Variants in TBC1D14 observed in about 807,000 individuals in gnomAD.
TBC1D14 encodes the protein TBC1 domain family member 14, also known as TBC1 domain family, member 14.
Under a neutral mutation model 79.0 loss-of-function variants are expected in TBC1D14, and 26 were observed. The observed-to-expected ratio is 0.33, with a 90% CI of 0.24 to 0.46. The LOEUF is 0.46. Ranked by LOEUF, TBC1D14 falls within the 20% of genes least tolerant of loss-of-function variation. The pLI is 1.00. For synonymous variants in TBC1D14, 394 were observed against 349.9 expected (o/e 1.13, Z -1.40); for missense variants, 769 against 887.6 (o/e 0.87, Z 1.70).
chr4:7,001,425 T>G, intron 7 of TBC1D14, 174 bp downstream of exon 7: 1 of 595,786 alleles, frequency 1.7e-6, no homozygotes, highest in Non-Finnish European at 3.0e-6. Flanking sequence ...GGTTTAGTGC[T>G]GTGCACTCCG....
In TBC1D14 at chr4:7,025,104, C is replaced by G. The variant is rs370726932; in HGVS notation, c.1858C>G (p.Leu620Val). The G allele has an allele frequency of 7.2e-5, 116 of 1,614,092 alleles. No individual in the cohort carries two copies. The highest frequency in any genetic ancestry group is 9.3e-5 in the Non-Finnish European group (110 of 1,180,036). The change falls in exon 13 of 14, where the codon CTG becomes GTG. Residue 620 changes from leucine (L) to valine (V), a missense_variant. By Grantham distance (32) the Leu-to-Val change is conservative. Coordinates refer to ENST00000409757, the MANE Select transcript of TBC1D14 (RefSeq NM_020773.3). ...DGEEFLFRTA[L>V]GILKLFEDIL... is the part of the protein sequence containing the mutation. ...GGAAGAGTTCCTGTTCCGCACGGCC[C>G]TGGGCATCCTGAAGCTGTTCGAGGA...
At chr4:7,000,636 C>G (rs1719572791) in intron 6 of TBC1D14, among the ~76,000 whole-genome samples, 2 of 152,190 alleles carry the variant, frequency 1.3e-5, no homozygotes, top group South Asian at 2.1e-4. Context: ...GTCAGCAGTT[C>G]TTCTCCGCAG....
At chr4:6,978,392 A>T (rs1405094965) in intron 3 of TBC1D14, among the ~76,000 whole-genome samples, 1 of 150,556 alleles carries the variant, frequency 6.6e-6, no homozygotes, top group Admixed American at 6.6e-5. Flanking sequence ...TTTGTTCTGT[A>T]CTAAGGAAAA....
chr4:6,999,779 G>T (rs1259839190), intron 6 of TBC1D14, among the ~76,000 whole-genome samples: 1 of 152,116 alleles, frequency 6.6e-6, no homozygotes, highest in African/African-American at 2.4e-5. Context: ...CTGTGGTTCT[G>T]TGTGCACACA....
rs367779206 is a variant in TBC1D14, at chr4:6,912,822, C to T, written c.-18+2871C>T. Among the ~76,000 whole-genome samples, 94 of 152,272 alleles carry T rather than the reference C, an allele frequency of 6.2e-4. No homozygotes were observed. The South Asian group carries it at 0.018, about 30-fold the overall frequency. ...CTAACAAGATAGGGTCTCTTACTGT[C>T]TTCATTTTGCTGCAAGGAAACCAAG... On this transcript the variant is annotated intron_variant, in intron 1 of 13. Transcript: ENST00000409757.
At chr4:6,937,575 G>A (rs1712460922) in intron 2 of TBC1D14, among the ~76,000 whole-genome samples, 1 of 152,194 alleles carries the variant, frequency 6.6e-6, no homozygotes, top group African/African-American at 2.4e-5. Context: ...GGATAGAGAG[G>A]GAAGGAAGCG....
intron 2 of TBC1D14, among the ~76,000 whole-genome samples, chr4:6,944,934 T>C (rs754796513): frequency 6.6e-6 from 1 of 152,220 alleles, no homozygotes; most frequent in Non-Finnish European, 1.5e-5. Context: ...GGTGTCTTGC[T>C]CTTACTGGAG....
chr4:7,017,737 T>A (rs1423033672), intron 12 of TBC1D14, among the ~76,000 whole-genome samples: 1 of 152,198 alleles, frequency 6.6e-6, no homozygotes, highest in Admixed American at 6.5e-5. Flanking sequence ...CCAGCTAGGA[T>A]ACAGTCTGTT....
chr4:6,926,543 G>T (rs149052213), intron 2 of TBC1D14, among the ~76,000 whole-genome samples: 2 of 152,272 alleles, frequency 1.3e-5, no homozygotes, highest in African/African-American at 4.8e-5. Context: ...TTGTTATTGT[G>T]AGCCTCTCTG....
At chr4:6,933,791 T>A (rs1712017161) in intron 2 of TBC1D14, among the ~76,000 whole-genome samples, 1 of 152,034 alleles carries the variant, frequency 6.6e-6, no homozygotes, top group Non-Finnish European at 1.5e-5. Context: ...CAGAATGCCC[T>A]GAGGTGCTGT....
intron 7 of TBC1D14, among the ~76,000 whole-genome samples, chr4:7,002,340 T>G (rs1423033738): frequency 2.6e-5 from 4 of 152,246 alleles, no homozygotes; most frequent in African/African-American, 9.6e-5. Context: ...TTGGAGAAAT[T>G]ACTGAGCATT....
chr4:6,912,685 G>A (rs765305869), intron 1 of TBC1D14, among the ~76,000 whole-genome samples: 5 of 152,206 alleles, frequency 3.3e-5, no homozygotes, highest in Admixed American at 2.0e-4. Flanking sequence ...TGGCTGGCCC[G>A]ATCCGTGTCC....
At chr4:6,993,835 C>T (rs1045605736) in intron 3 of TBC1D14, among the ~76,000 whole-genome samples, 7 of 152,138 alleles carry the variant, frequency 4.6e-5, no homozygotes, top group Non-Finnish European at 7.3e-5. Flanking sequence ...CATGGTGAAA[C>T]CCCATCTCTA....
chr4:7,018,423 C>T (rs1026437373), intron 12 of TBC1D14, among the ~76,000 whole-genome samples: 1 of 152,226 alleles, frequency 6.6e-6, no homozygotes, highest in Non-Finnish European at 1.5e-5. Flanking sequence ...CCCACCAAAC[C>T]TGCTCCCCAC....
At chr4:6,969,112 AG>A (rs1715988764) in intron 3 of TBC1D14, among the ~76,000 whole-genome samples, 1 of 152,184 alleles carries the variant, frequency 6.6e-6, no homozygotes, top group African/African-American at 2.4e-5. Flanking sequence ...ATCTGGACCC[AG>A]GGGACTCACT....
intron 12 of TBC1D14, among the ~76,000 whole-genome samples, chr4:7,015,993 T>A (rs541321024): frequency 1.5e-4 from 23 of 152,362 alleles, no homozygotes; most frequent in African/African-American, 5.5e-4. Context: ...TTGTTGTTGT[T>A]GCCCACTTTC....
intron 8 of TBC1D14, among the ~76,000 whole-genome samples, chr4:7,006,136 G>C (rs1261252038): frequency 6.6e-6 from 1 of 151,726 alleles, no homozygotes; most frequent in East Asian, 1.9e-4. Flanking sequence ...GGAGTTCAAA[G>C]CCAGCCTGAG....
intron 2 of TBC1D14, among the ~76,000 whole-genome samples, chr4:6,937,244 T>C (rs902160366): frequency 1.3e-5 from 2 of 152,226 alleles, no homozygotes; most frequent in African/African-American, 2.4e-5. Flanking sequence ...CATAATATTG[T>C]AGACGAGGTG....
At chr4:6,925,240 C>T (rs1724197244) in intron 2 of TBC1D14, among the ~76,000 whole-genome samples, 1 of 152,196 alleles carries the variant, frequency 6.6e-6, no homozygotes, top group African/African-American at 2.4e-5. Flanking sequence ...GCACTCCAGC[C>T]TGGGCGACAG....
Sources: gnomAD v4.1 joint callset for allele counts (sites outside exome capture counted in the v4.1 genomes callset) on GRCh38, gnomAD v4.1.1 for gene constraint, MANE v1.5 for transcripts, NCBI Gene and HGNC (gene_info 2026-07-23, HGNC 2026-07-21) for gene names.